Variants in KIF6 observed in about 807,000 individuals in gnomAD.
KIF6 encodes kinesin family member 6, also known as kinesin-like protein KIF6.
KIF6 carries 106 observed loss-of-function variants against 112.7 expected under a neutral mutation model. The ratio of observed to expected loss-of-function variants is 0.94; its 90% CI spans 0.80 to 1.11. The LOEUF (loss-of-function observed/expected upper bound fraction) is 1.11. KIF6 is among the 50% of genes least tolerant of loss of function. The pLI is 0.00. For missense variants in KIF6, 929 were observed against 964.0 expected, an observed-to-expected ratio of 0.96 and a Z score of 0.48; for synonymous variants, 339 against 339.9, an observed-to-expected ratio of 1.00 and a Z score of 0.03.
At chr6:39,603,469 T>C (rs1782694053) in intron 6 of KIF6, among the ~76,000 whole-genome samples, 1 of 152,014 alleles carries the variant, frequency 6.6e-6, no homozygotes, top group Admixed American at 6.6e-5. Context: ...ATAATCCTTT[T>C]CTATACAGCA....
rs1447079047 is a variant in KIF6, at chr6:39,342,794, C to A, written c.2428+915G>T. The A allele has an allele frequency of 1.0e-6, 1 of 985,214 alleles. No homozygotes were observed. Among genetic ancestry groups the A allele is most frequent in the South Asian group, 4.7e-5 (1 of 21,272 alleles). 61.0% of individuals were successfully genotyped at this position (985,214 alleles called of 1,614,324 possible). A position where few individuals can be genotyped will look rare whatever the true frequency, so the allele number is the denominator to read the frequency against. Reference sequence around the variant, plus strand: ...CGGCCAAGCAAGGCGAGTACAGGACCAAGGCCGGCTCTCAGTTGCGGCGCT... The same window carrying A: ...CGGCCAAGCAAGGCGAGTACAGGACAAAGGCCGGCTCTCAGTTGCGGCGCT... On this transcript the variant is annotated intron_variant, in intron 22 of 22. Coordinates refer to ENST00000287152, the MANE Select transcript of KIF6 (RefSeq NM_145027.6). This position sits in a 1 kb window ranked among gnomAD's most constrained non-coding sequence, Gnocchi z 4.7.
chr6:39,438,957 T>C (rs1771740182), intron 13 of KIF6, among the ~76,000 whole-genome samples: 1 of 152,236 alleles, frequency 6.6e-6, no homozygotes, highest in Non-Finnish European at 1.5e-5. Flanking sequence ...TTGCCTACAG[T>C]ATTCAGTACA....
intron 7 of KIF6, among the ~76,000 whole-genome samples, chr6:39,586,608 A>C (rs1341265332): frequency 1.3e-5 from 2 of 152,250 alleles, no homozygotes; most frequent in African/African-American, 4.8e-5. Context: ...AATGTAGTGT[A>C]ACTGTAGCAT....
chr6:39,337,080 TTTCC>T (rs1762969428), intron 22 of KIF6, among the ~76,000 whole-genome samples: 1 of 142,282 alleles, frequency 7.0e-6, no homozygotes, highest in Non-Finnish European at 1.5e-5. Flanking sequence ...CTTTCCTTTC[TTTCC>T]TTCTTTCCTT....
In KIF6 at chr6:39,453,882, C is replaced by T. The variant is rs184498231; in HGVS notation, c.1646-22721G>A. The stretch of plus-strand genomic sequence containing the variant: ...CTTGGCATAGTTCTCTCCATATTCC[C>T]CTTGTATGTCTGTGACTGCCCCTTC... On this transcript the variant is annotated intron_variant, in intron 13 of 22. Transcript: ENST00000287152. Among the ~76,000 whole-genome samples, 796 of 152,234 alleles carry T rather than the reference C, an allele frequency of 5.2e-3. 10 individuals are homozygous for T. Among genetic ancestry groups the T allele is most frequent in the Non-Finnish European group, 7.6e-3 (519 of 68,024 alleles).
intron 3 of KIF6, among the ~76,000 whole-genome samples, chr6:39,670,042 G>A (rs1474571001): frequency 1.3e-5 from 2 of 152,166 alleles, no homozygotes; most frequent in Admixed American, 1.3e-4. Flanking sequence ...TCAGATAAGT[G>A]AGAAGGTCCT....
chr6:39,412,878 G>A (rs966796235), intron 15 of KIF6, among the ~76,000 whole-genome samples: 1 of 151,968 alleles, frequency 6.6e-6, no homozygotes, highest in Non-Finnish European at 1.5e-5. Context: ...TCGTGCTGCT[G>A]TCCCCCATCT....
At position 39,682,506 on chromosome 6, in the gene KIF6, C is replaced by T. The variant is rs116254249; in HGVS notation, c.251+32186G>A. Reference sequence around the variant, plus strand: ...ATATGTGGTCTGTCAATGATCTAAACGTCCTTATGCAGTGCATAATCGAAC... The same window carrying T: ...ATATGTGGTCTGTCAATGATCTAAATGTCCTTATGCAGTGCATAATCGAAC... On this transcript the variant is annotated intron_variant, in intron 3 of 22. Coordinates refer to ENST00000287152, the MANE Select transcript of KIF6 (RefSeq NM_145027.6). 2.8e-3 allele frequency among the ~76,000 whole-genome samples: 426 copies of T among 152,296 alleles called. 1 individual carries two copies. Among genetic ancestry groups the T allele is most frequent in the Non-Finnish European group, 4.8e-3 (325 of 68,024 alleles).
At chr6:39,566,907 A>G (rs912231026) in intron 10 of KIF6, among the ~76,000 whole-genome samples, 26 of 152,228 alleles carry the variant, frequency 1.7e-4, no homozygotes, top group African/African-American at 5.8e-4. Context: ...TCTTTTAAGA[A>G]TGACCTTTAA....
intron 13 of KIF6, among the ~76,000 whole-genome samples, chr6:39,522,281 T>C (rs554310809): frequency 6.6e-6 from 1 of 152,206 alleles, no homozygotes; most frequent in African/African-American, 2.4e-5. Context: ...ATTTGTAACA[T>C]TTGGTCCCAC....
At chr6:39,455,189 C>T (rs943910615) in intron 13 of KIF6, among the ~76,000 whole-genome samples, 1 of 152,112 alleles carries the variant, frequency 6.6e-6, no homozygotes, top group African/African-American at 2.4e-5. Context: ...GGGCAGACTG[C>T]CTCCTCAAGT....
chr6:39,470,102 A>C (rs190535136), intron 13 of KIF6, among the ~76,000 whole-genome samples: 1 of 152,204 alleles, frequency 6.6e-6, no homozygotes, highest in African/African-American at 2.4e-5. Flanking sequence ...CATACAAAGT[A>C]TGTTCTTCCA....
intron 5 of KIF6, among the ~76,000 whole-genome samples, chr6:39,624,731 T>C (rs536635666): frequency 2.0e-5 from 3 of 152,332 alleles, no homozygotes; most frequent in Admixed American, 6.5e-5. Flanking sequence ...CTGTCATTAA[T>C]TCATGTCACT....
chr6:39,503,246 G>T (rs1776237125), intron 13 of KIF6, among the ~76,000 whole-genome samples: 1 of 152,136 alleles, frequency 6.6e-6, no homozygotes, highest in African/African-American at 2.4e-5. Flanking sequence ...TAACTCTTGG[G>T]TAAATAATGA....
Position 39,645,271 on chromosome 6 carries a change from CT to C in KIF6, c.252-5515del, listed in dbSNP as rs1466698519. ...ATTAAACAAAAATAAAGCCTCAACC[CT>C]TTTGGAGATTATAAACTGAAGTGTC... On this transcript the variant is annotated intron_variant, in intron 3 of 22. Transcript: ENST00000287152. 3.9e-5 allele frequency among the ~76,000 whole-genome samples: 6 copies of C among 152,062 alleles called. No individual in the cohort carries two copies. In the East Asian group the frequency reaches 1.2e-3, roughly 29 times the overall value.
intron 13 of KIF6, among the ~76,000 whole-genome samples, chr6:39,512,318 C>T (rs1369830040): frequency 6.6e-6 from 1 of 152,044 alleles, no homozygotes; most frequent in Non-Finnish European, 1.5e-5. Flanking sequence ...AATTGCTGTC[C>T]TTTGGACATC....
intron 3 of KIF6, among the ~76,000 whole-genome samples, chr6:39,705,382 A>T (rs904728509): frequency 1.3e-5 from 2 of 152,216 alleles, no homozygotes; most frequent in African/African-American, 4.8e-5. Context: ...CATTGAAAAG[A>T]TCTCTGTCCA....
At chr6:39,535,348 A>G (rs1051946313) in intron 13 of KIF6, among the ~76,000 whole-genome samples, 3 of 151,912 alleles carry the variant, frequency 2.0e-5, no homozygotes, top group Admixed American at 6.6e-5. Flanking sequence ...CATAGGCTCA[A>G]AATAAAAGGA....
At chr6:39,678,244 C>G (rs1171429054) in intron 3 of KIF6, among the ~76,000 whole-genome samples, 2 of 151,884 alleles carry the variant, frequency 1.3e-5, no homozygotes, top group East Asian at 3.9e-4. Context: ...GTCAGTGTGG[C>G]GATTCCTCAG....
Sources: allele counts gnomAD v4.1 joint callset (sites outside exome capture counted in the v4.1 genomes callset), GRCh38; gene constraint gnomAD v4.1.1; non-coding constraint Gnocchi (gnomAD v3.1); transcripts MANE v1.5; gene names NCBI Gene and HGNC (gene_info 2026-07-23, HGNC 2026-07-21).